The following GPLD1 variants were observed in gnomAD, a reference collection of about 807,000 sequenced individuals.
The protein encoded by GPLD1 is glycosylphosphatidylinositol specific phospholipase D1.
Under a neutral mutation model 112.6 loss-of-function variants are expected in GPLD1, and 84 were observed. That is an observed-to-expected ratio of 0.75 (90% CI 0.63 to 0.89). The LOEUF is 0.89. GPLD1 is among the 40% of genes least tolerant of loss of function. GPLD1 has a pLI of 0.00. For synonymous variants in GPLD1, 386 were observed against 403.8 expected (o/e 0.96, Z 0.53); for missense variants, 1,044 against 1,051.5 (o/e 0.99, Z 0.10).
In GPLD1 at chr6:24,473,983, G is replaced by A. The variant is rs187418082; in HGVS notation, c.442-316C>T. Among the ~76,000 whole-genome samples, 580 of 151,968 alleles carry A rather than the reference G, an allele frequency of 3.8e-3. 5 individuals are homozygous for A. Among genetic ancestry groups the A allele is most frequent in the Non-Finnish European group, 6.4e-3 (437 of 67,972 alleles). On this transcript the variant is annotated intron_variant, in intron 5 of 24. Transcript: ENST00000230036. ...CTACTAAAAATACAAAAAATTGGCC[G>A]GGCATGGTGGCGGGTTCTGGTAATC...
At chr6:24,472,744 A>G (rs1581775573) in intron 6 of GPLD1, 108 bp from the exon 7 acceptor site, 1 of 701,070 alleles carries the variant, frequency 1.4e-6, no homozygotes. Context: ...TCACATTATT[A>G]CATGTTTTTG....
chr6:24,472,642 G>A lies in GPLD1; in HGVS notation c.491-6C>T. On this transcript the variant is annotated splice_region_variant and splice_polypyrimidine_tract_variant and intron_variant, in intron 6 of 24. Coordinates refer to ENST00000230036, the MANE Select transcript of GPLD1 (RefSeq NM_001503.4). ...CTGGCTCAACACATCTCCTCCTAGG[G>A]TATGAGAAAAATATTGACATTTGGT... is the stretch of plus-strand genomic sequence containing the variant. 1 of 1,554,492 alleles carries A rather than the reference G, an allele frequency of 6.4e-7. No individual in the cohort carries two copies. Among genetic ancestry groups the A allele is most frequent in the Non-Finnish European group, 8.9e-7 (1 of 1,126,178 alleles).
chr6:24,466,610 G>A (rs562356996), intron 10 of GPLD1, 70 bp downstream of exon 10: 2 of 1,285,662 alleles, frequency 1.6e-6, no homozygotes, highest in African/African-American at 3.0e-5. Flanking sequence ...TGAAAAACCT[G>A]AGAGTTATGT....
intron 14 of GPLD1, among the ~76,000 whole-genome samples, chr6:24,451,028 G>A (rs6456614): frequency 0.36 from 54,785 of 152,136 alleles, 11,232 homozygotes; most frequent in East Asian, 0.6. Flanking sequence ...CAGTTTTTCA[G>A]TTGCAATAGC....
chr6:24,482,783 ACT>A (rs1764248102), intron 2 of GPLD1, among the ~76,000 whole-genome samples: 1 of 151,914 alleles, frequency 6.6e-6, no homozygotes, highest in African/African-American at 2.4e-5. Context: ...ACATGGCAAG[ACT>A]CTGTTTCTAC....
chr6:24,492,864 G>A (rs1223590768), upstream of GPLD1, among the ~76,000 whole-genome samples: 2 of 152,188 alleles, frequency 1.3e-5, no homozygotes, highest in Non-Finnish European at 2.9e-5. Flanking sequence ...AGTACTTCCT[G>A]TCACAAAAAT....
rs1561842028 is a variant in GPLD1 at position 24,456,636 on chromosome 6, T to C, written c.1010A>G (p.Asp337Gly). 4 of 1,590,748 alleles carry C rather than the reference T, an allele frequency of 2.5e-6. No individual in the cohort carries two copies. The East Asian group carries it at 8.9e-5, about 36-fold the overall frequency. Residue 337 changes from aspartate to glycine, a missense_variant and splice_region_variant, in exon 13 of 25, where the codon GAT (aspartate) becomes GGT (glycine). By Grantham distance (94) the Asp-to-Gly change is moderately conservative. Coordinates refer to ENST00000230036, the MANE Select transcript of GPLD1 (RefSeq NM_001503.4). ...VFFSVNSWTPDSMSFIYKALE... is the reference protein window; with the variant it reads ...VFFSVNSWTPGSMSFIYKALE... ...AGCCTTGTAGATAAAGGACATGGAA[T>C]CCTGAAATAAAAGAATCATTATAGA...
chr6:24,442,277 T>C (rs985422790), intron 20 of GPLD1, among the ~76,000 whole-genome samples: 4 of 151,284 alleles, frequency 2.6e-5, no homozygotes, highest in Non-Finnish European at 4.4e-5. Context: ...TGCCCATCAC[T>C]ATGCCTACCT....
intron 2 of GPLD1, among the ~76,000 whole-genome samples, chr6:24,484,725 T>C (rs953383428): frequency 1.3e-5 from 2 of 152,228 alleles, no homozygotes; most frequent in Non-Finnish European, 2.9e-5. Flanking sequence ...CCTGCCTACT[T>C]GCCGTCAAGG....
intron 2 of GPLD1, among the ~76,000 whole-genome samples, chr6:24,482,242 A>G (rs1764228455): frequency 6.6e-6 from 1 of 151,662 alleles, no homozygotes; most frequent in Non-Finnish European, 1.5e-5. Flanking sequence ...CTGGGATTAC[A>G]GGCACTGGCC....
rs35276216 is a variant in GPLD1, at chr6:24,466,832, GA to G, written c.682-14del. On this transcript the variant is annotated splice_polypyrimidine_tract_variant and intron_variant, in intron 9 of 24. Coordinates refer to ENST00000230036, the MANE Select transcript of GPLD1 (RefSeq NM_001503.4). Reference sequence around the variant, plus strand: ...AAGTGGGATATAACTATGGCAGAGAGAAAGAAAAAATAAAATGAATATGGTA... The same window carrying G: ...AAGTGGGATATAACTATGGCAGAGAGAAGAAAAAATAAAATGAATATGGTA... The G allele has an allele frequency of 0.33, 527,742 of 1,602,854 alleles. 89,964 individuals carry two copies. The highest frequency in any genetic ancestry group is 0.35 in the Non-Finnish European group (413,709 of 1,170,404).
chr6:24,491,527 C>G (rs779296236), upstream of GPLD1, among the ~76,000 whole-genome samples: 21 of 152,012 alleles, frequency 1.4e-4, no homozygotes, highest in Non-Finnish European at 2.4e-4. Flanking sequence ...GGCAAAATCC[C>G]GTCTCTACCA....
upstream of GPLD1, among the ~76,000 whole-genome samples, chr6:24,493,923 C>A (rs1764622025): frequency 2.0e-5 from 3 of 152,174 alleles, no homozygotes; most frequent in Non-Finnish European, 4.4e-5. Context: ...TCATTTGCAC[C>A]CACAAATTCC....
intron 13 of GPLD1, among the ~76,000 whole-genome samples, chr6:24,454,557 T>C (rs908695109): frequency 6.6e-6 from 1 of 152,198 alleles, no homozygotes; most frequent in Admixed American, 6.5e-5. Context: ...CTCTAGCCAA[T>C]GGCGCAGGCC....
chr6:24,438,384 G>T (rs554496680), intron 20 of GPLD1, among the ~76,000 whole-genome samples: 8 of 152,194 alleles, frequency 5.3e-5, no homozygotes, highest in African/African-American at 1.9e-4. Context: ...TGGGTTGATG[G>T]GGCTAGTGGC....
rs1763491833 is a variant in GPLD1 at position 24,463,155 on chromosome 6, G to A, written c.822-360C>T. ...CTTCTGCCCAATTATACACATTTAT[G>A]CCTAAATGTGTCTGAATTTCTCAAT... is the stretch of plus-strand genomic sequence containing the variant. On this transcript the variant is annotated intron_variant, in intron 10 of 24. Coordinates refer to ENST00000230036, the MANE Select transcript of GPLD1 (RefSeq NM_001503.4). Among the ~76,000 whole-genome samples the A allele has an allele frequency of 2.0e-5, 3 of 151,576 alleles. No individual in the cohort carries two copies. In the South Asian group the frequency reaches 6.2e-4, roughly 32 times the overall value.
chr6:24,476,891 C>T (rs1021847082), intron 3 of GPLD1, among the ~76,000 whole-genome samples: 1 of 152,090 alleles, frequency 6.6e-6, no homozygotes, highest in African/African-American at 2.4e-5. Context: ...CCAAGAGCCA[C>T]AAATGCCTCA....
chr6:24,430,607 CT>C (rs1762372752), intron 24 of GPLD1, among the ~76,000 whole-genome samples: 1 of 124,720 alleles, frequency 8.0e-6, no homozygotes, highest in African/African-American at 2.9e-5. Context: ...GCACTACTTA[CT>C]TAAGTAGACG....
Position 24,466,948 on chromosome 6 carries a change from T to C in GPLD1, c.654-9A>G. Reference sequence around the variant, plus strand: ...CTAGCATCTCACCATACCTGCAAAATAAACAATAATTTTGGCTGTGAGTTG... The same window carrying C: ...CTAGCATCTCACCATACCTGCAAAACAAACAATAATTTTGGCTGTGAGTTG... On this transcript the variant is annotated splice_polypyrimidine_tract_variant and intron_variant, in intron 8 of 24. Transcript: ENST00000230036. 2.5e-6 allele frequency: 4 copies of C among 1,609,390 alleles called. No homozygotes were observed. Among genetic ancestry groups the C allele is most frequent in the South Asian group, 2.2e-5 (2 of 90,934 alleles).
Sources: gnomAD v4.1 joint callset for allele counts (sites outside exome capture counted in the v4.1 genomes callset) on GRCh38, gnomAD v4.1.1 for gene constraint, MANE v1.5 for transcripts, NCBI Gene and HGNC (gene_info 2026-07-23, HGNC 2026-07-21) for gene names.